Variants in PTPRN2 observed in about 807,000 individuals in gnomAD.
The protein encoded by PTPRN2 is protein tyrosine phosphatase receptor type N2.
A neutral mutation model predicts 118.8 loss-of-function variants in PTPRN2; 74 were observed. That is an observed-to-expected ratio of 0.62 (90% CI 0.52 to 0.76). PTPRN2 has a LOEUF of 0.76. Among genes scored for constraint, PTPRN2 ranks in the 30% least tolerant of loss-of-function variants. PTPRN2 has a pLI of 0.00. For missense variants in PTPRN2, 1,481 were observed against 1,394.4 expected (o/e 1.06, Z -0.99); for synonymous variants, 641 against 608.0 (o/e 1.05, Z -0.80).
Position 158,155,775 on chromosome 7 carries a change from CTAT to C in PTPRN2, c.910+11153_910+11155del, listed in dbSNP as rs368961746. The stretch of plus-strand genomic sequence containing the variant: ...ATCACCATCATCATCACCATCAACA[CTAT>C]CATTACCATCATCAACACCATCATC... On this transcript the variant is annotated intron_variant, in intron 6 of 22. Coordinates refer to ENST00000389418, the MANE Select transcript of PTPRN2 (RefSeq NM_002847.5). 6.0e-3 allele frequency among the ~76,000 whole-genome samples: 381 copies of C among 63,678 alleles called. 1 individual carries two copies. The highest frequency in any genetic ancestry group is 0.026 in the Middle Eastern group (2 of 78). The allele number at this position is 63,678 out of a possible 152,430, so 41.8% of individuals were successfully genotyped here.
chr7:158,395,373 GGGAGGC>G (rs1234773689), intron 2 of PTPRN2, among the ~76,000 whole-genome samples: 15 of 3,782 alleles, frequency 4.0e-3, no homozygotes, highest in Non-Finnish European at 7.4e-3. Context: ...AGGGGCGAGG[GGGAGGC>G]GCGAGGGGCG....
At chr7:157,644,983 T>C (rs1354426759) in intron 14 of PTPRN2, among the ~76,000 whole-genome samples, 1 of 152,216 alleles carries the variant, frequency 6.6e-6, no homozygotes, top group Non-Finnish European at 1.5e-5. Context: ...CAGAGGGCTT[T>C]CTCTTTCTCC....
chr7:157,725,363 G>GAGCCAGACCC (rs1563042202), intron 12 of PTPRN2, among the ~76,000 whole-genome samples: 1 of 18,080 alleles, frequency 5.5e-5, no homozygotes, highest in Non-Finnish European at 9.5e-5. Flanking sequence ...ACAGAGGAGT[G>GAGCCAGACCC]TGGCCAGACC....
At position 157,966,578 on chromosome 7, in the gene PTPRN2, TTCA is replaced by T. The variant is rs577917393; in HGVS notation, c.1724-67844_1724-67842del. ...TATCACTATCATCATCACCATCATC[TTCA>T]TCATTACCATCACTACTATCACCAT... On this transcript the variant is annotated intron_variant, in intron 11 of 22. Coordinates refer to ENST00000389418, the MANE Select transcript of PTPRN2 (RefSeq NM_002847.5). 3.7e-3 allele frequency among the ~76,000 whole-genome samples: 502 copies of T among 136,206 alleles called. 4 individuals are homozygous for T. Among genetic ancestry groups the T allele is most frequent in the Admixed American group, 0.011 (144 of 13,632 alleles). 89.4% of individuals were successfully genotyped at this position (136,206 alleles called of 152,430 possible).
intron 2 of PTPRN2, among the ~76,000 whole-genome samples, chr7:158,439,249 TCCACCTCCTGCGCATGCCTCAGCCCCCGA>T (rs1471928044): frequency 1.3e-5 from 2 of 151,836 alleles, no homozygotes; most frequent in African/African-American, 4.8e-5. Flanking sequence ...CAGGCCCCCG[TCCACCTCCTGCGCATGCCTCAGCCCCCGA>T]CCACCTCAGG....
chr7:158,542,615 A>G (rs1586909679), intron 1 of PTPRN2, among the ~76,000 whole-genome samples: 1 of 152,354 alleles, frequency 6.6e-6, no homozygotes, highest in South Asian at 2.1e-4. Context: ...TCCCTCTCCC[A>G]GCGGAGCAAC....
chr7:158,542,692 T>C (rs1826058987), intron 1 of PTPRN2, among the ~76,000 whole-genome samples: 2 of 152,242 alleles, frequency 1.3e-5, no homozygotes, highest in African/African-American at 4.8e-5. Context: ...CCTCTCCTTC[T>C]AATATTAAAT....
chr7:157,931,470 C>T (rs760224268), intron 11 of PTPRN2, among the ~76,000 whole-genome samples: 9 of 152,222 alleles, frequency 5.9e-5, no homozygotes, highest in Non-Finnish European at 8.8e-5. Context: ...TCCGATCACA[C>T]GCTGAGTAGG....
chr7:157,769,170 G>T lies in PTPRN2; in HGVS notation c.1789-86233C>A, dbSNP rs898022049. On this transcript the variant is annotated intron_variant, in intron 12 of 22. Transcript: ENST00000389418. ...CCAGTGTCCACCGAGGGCAGCGGTT[G>T]AATGTCCTCATTATTCCGCCCCCCA... 2.0e-5 allele frequency among the ~76,000 whole-genome samples: 3 copies of T among 152,310 alleles called. No homozygotes were observed. The South Asian group carries it at 6.2e-4, about 32-fold the overall frequency.
At chr7:158,363,459 A>G (rs1809172937) in intron 2 of PTPRN2, among the ~76,000 whole-genome samples, 2 of 152,150 alleles carry the variant, frequency 1.3e-5, no homozygotes, top group African/African-American at 4.8e-5. Context: ...CACAGCTCTG[A>G]ATTCATTCTC....
intron 2 of PTPRN2, among the ~76,000 whole-genome samples, chr7:158,450,424 A>T (rs1818019735): frequency 6.6e-6 from 1 of 152,202 alleles, no homozygotes; most frequent in Non-Finnish European, 1.5e-5. Context: ...AACCTCATAG[A>T]TATAATAGAG....
At chr7:157,702,135 A>C (rs1798108035) in intron 12 of PTPRN2, among the ~76,000 whole-genome samples, 1 of 134,710 alleles carries the variant, frequency 7.4e-6, no homozygotes, top group African/African-American at 2.8e-5. Flanking sequence ...CTTTGTGTGA[A>C]AGCCCGGTCG....
intron 1 of PTPRN2, among the ~76,000 whole-genome samples, chr7:158,550,876 G>T (rs1826608113): frequency 6.6e-6 from 1 of 152,178 alleles, no homozygotes; most frequent in Non-Finnish European, 1.5e-5. Context: ...CCATCAGGCG[G>T]CCGTCGCGCT....
chr7:158,393,346 T>C (rs996859261), intron 2 of PTPRN2, among the ~76,000 whole-genome samples: 19 of 152,206 alleles, frequency 1.2e-4, no homozygotes, highest in Admixed American at 5.9e-4. Context: ...AAAATTAAAG[T>C]TCAGCCTGGT....
intron 12 of PTPRN2, among the ~76,000 whole-genome samples, chr7:157,720,055 G>C (rs1375290086): frequency 6.6e-6 from 1 of 152,190 alleles, no homozygotes; most frequent in Non-Finnish European, 1.5e-5. Flanking sequence ...GGAAAATAGA[G>C]AGGAAATTCC....
chr7:158,407,144 CGTCCTGGGTCCTGG>C (rs1237302224), intron 2 of PTPRN2, among the ~76,000 whole-genome samples: 1 of 111,644 alleles, frequency 9.0e-6, no homozygotes, highest in South Asian at 3.4e-4. Context: ...CTGCGTCCTG[CGTCCTGGGTCCTGG>C]GTCCTGGGTC....
In PTPRN2 at chr7:157,627,374, C is replaced by T. The variant is rs995026162; in HGVS notation, c.2197-5865G>A. Among the ~76,000 whole-genome samples, 2 of 152,204 alleles carry T rather than the reference C, an allele frequency of 1.3e-5. No individual in the cohort carries two copies. The highest frequency in any genetic ancestry group is 4.8e-5 in the African/African-American group (2 of 41,448). ...TGAGCCAGTGAAGGCGGGATTGCACCACAATGCGTGCTCACATCAGGAAAT... is the reference window on the plus strand; with the variant it reads ...TGAGCCAGTGAAGGCGGGATTGCACTACAATGCGTGCTCACATCAGGAAAT... On this transcript the variant is annotated intron_variant, in intron 14 of 22. Transcript: ENST00000389418. The surrounding 1 kb of genome is among the most constrained non-coding windows in gnomAD (Gnocchi z 4.2).
chr7:157,898,138 A>G (rs1344321888), intron 12 of PTPRN2, among the ~76,000 whole-genome samples: 3 of 151,852 alleles, frequency 2.0e-5, no homozygotes, highest in Admixed American at 2.0e-4. Flanking sequence ...ATTTTCAGCG[A>G]TATTATGGAA....
At chr7:158,143,846 G>A (rs1819622261) in intron 6 of PTPRN2, among the ~76,000 whole-genome samples, 1 of 152,124 alleles carries the variant, frequency 6.6e-6, no homozygotes, top group Admixed American at 6.5e-5. Flanking sequence ...CACTAGCTTG[G>A]CACAGCAGGC....
Sources: gnomAD v4.1 joint callset for allele counts (sites outside exome capture counted in the v4.1 genomes callset) on GRCh38, gnomAD v4.1.1 for gene constraint, Gnocchi (gnomAD v3.1) non-coding constraint, MANE v1.5 for transcripts, NCBI Gene and HGNC (gene_info 2026-07-23, HGNC 2026-07-21) for gene names.